Variants in NRXN1 observed in about 807,000 individuals in gnomAD.
NRXN1 encodes neurexin-1.
A neutral mutation model predicts 150.9 loss-of-function variants in NRXN1; 39 were observed. The observed-to-expected ratio is 0.26, with a 90% CI of 0.20 to 0.34. The LOEUF is 0.34. NRXN1 is among the 10% of genes least tolerant of loss of function. NRXN1 has a pLI of 1.00. For synonymous variants in NRXN1, 924 were observed against 757.0 expected (o/e 1.22, Z -3.62); for missense variants, 1,815 against 1,949.9 (o/e 0.93, Z 1.30).
chr2:50,114,551 G>A (rs541147691), intron 18 of NRXN1, among the ~76,000 whole-genome samples: 2 of 152,258 alleles, frequency 1.3e-5, no homozygotes, highest in East Asian at 1.9e-4. Context: ...ACAATAATCT[G>A]TACATGGATG....
At chr2:50,739,822 C>T (rs1699215195) in intron 5 of NRXN1, among the ~76,000 whole-genome samples, 2 of 152,034 alleles carry the variant, frequency 1.3e-5, no homozygotes, top group Non-Finnish European at 2.9e-5. Flanking sequence ...AAACTTAGTA[C>T]ATCAAAAGGA....
rs963794102 is a variant in NRXN1, at chr2:50,347,786, A to G, written c.3365-110816T>C. The G allele has an allele frequency of 1.0e-5, 10 of 986,738 alleles. No individual in the cohort carries two copies. The Admixed American group carries it at 6.1e-4, about 60-fold the overall frequency. 61.1% of individuals were successfully genotyped at this position (986,738 alleles called of 1,614,324 possible). On this transcript the variant is annotated intron_variant, in intron 17 of 22. Coordinates refer to ENST00000401669, the MANE Select transcript of NRXN1 (RefSeq NM_001330078.2). This position sits in a 1 kb window ranked among gnomAD's most constrained non-coding sequence, Gnocchi z 4.9. ...GAAAAACCACACACGCTGGTGAAGC[A>G]AGGGGCTCTATGCAAATCTGCAGTC...
At chr2:50,902,021 T>C (rs1453227672) in intron 5 of NRXN1, among the ~76,000 whole-genome samples, 1 of 152,168 alleles carries the variant, frequency 6.6e-6, no homozygotes, top group Non-Finnish European at 1.5e-5. Flanking sequence ...GGGAAAGTCA[T>C]GAAGTTCTCC....
At chr2:49,933,667 G>A (rs200570996) in intron 22 of NRXN1, among the ~76,000 whole-genome samples, 1 of 146,288 alleles carries the variant, frequency 6.8e-6, no homozygotes, top group East Asian at 2.0e-4. Flanking sequence ...TATCCCAGGG[G>A]TTACTGTGGG....
chr2:50,433,814 G>C (rs1341060220), intron 17 of NRXN1, among the ~76,000 whole-genome samples: 1 of 152,012 alleles, frequency 6.6e-6, no homozygotes, highest in Non-Finnish European at 1.5e-5. Context: ...ATGATAAATA[G>C]GTTGCAGAGG....
intron 21 of NRXN1, among the ~76,000 whole-genome samples, chr2:49,974,729 G>A (rs946592542): frequency 2.7e-5 from 4 of 148,954 alleles, no homozygotes; most frequent in Non-Finnish European, 5.9e-5. Flanking sequence ...AGACAATTAT[G>A]CAACATTAAG....
At chr2:50,406,305 A>G (rs1049067378) in intron 17 of NRXN1, among the ~76,000 whole-genome samples, 5 of 152,044 alleles carry the variant, frequency 3.3e-5, no homozygotes, top group East Asian at 3.9e-4. Flanking sequence ...AATAAAGGGG[A>G]AAAAAAAGAA....
chr2:50,598,373 A>G (rs1282304338), intron 8 of NRXN1, among the ~76,000 whole-genome samples: 1 of 151,964 alleles, frequency 6.6e-6, no homozygotes, highest in Non-Finnish European at 1.5e-5. Flanking sequence ...AAAGTTACTT[A>G]GCTTCCTTGA....
chr2:50,077,330 T>C (rs1343010146), intron 19 of NRXN1, among the ~76,000 whole-genome samples: 1 of 152,176 alleles, frequency 6.6e-6, no homozygotes, highest in Non-Finnish European at 1.5e-5. Flanking sequence ...TGAATTTCCT[T>C]TATTGAATCA....
chr2:50,367,041 T>C (rs1028683294), intron 17 of NRXN1, among the ~76,000 whole-genome samples: 2 of 151,962 alleles, frequency 1.3e-5, no homozygotes, highest in African/African-American at 4.8e-5. Context: ...TCCAGGCGTC[T>C]GGGAGAGACA....
intron 5 of NRXN1, among the ~76,000 whole-genome samples, chr2:50,902,995 G>T (rs1640020808): frequency 6.6e-6 from 1 of 152,030 alleles, no homozygotes; most frequent in Non-Finnish European, 1.5e-5. Context: ...CCAAAAACAA[G>T]TATTTATGAA....
At chr2:49,976,067 G>A (rs1253887873) in intron 21 of NRXN1, among the ~76,000 whole-genome samples, 4 of 141,674 alleles carry the variant, frequency 2.8e-5, no homozygotes, top group Admixed American at 2.2e-4. Flanking sequence ...CTGTCACCCA[G>A]GCTGGAGTGC....
At chr2:50,979,276 C>A (rs768391324) in intron 2 of NRXN1, 31 of 518,192 alleles carry the variant, frequency 6.0e-5, no homozygotes, top group South Asian at 4.1e-4. Context: ...TTTACATCAG[C>A]TGGAAGGAAG....
chr2:50,325,297 G>A (rs2076313779), intron 17 of NRXN1, among the ~76,000 whole-genome samples: 3 of 152,188 alleles, frequency 2.0e-5, no homozygotes, highest in South Asian at 4.1e-4. Flanking sequence ...GAAAAGATGA[G>A]TGCTGATATA....
intron 17 of NRXN1, among the ~76,000 whole-genome samples, chr2:50,329,643 A>G (rs1393352745): frequency 1.5e-4 from 1 of 6,568 alleles, no homozygotes; most frequent in Non-Finnish European, 2.3e-4. Context: ...ATATATATAT[A>G]TATATATATA....
At position 50,072,277 on chromosome 2, in the gene NRXN1, A is replaced by C. The variant is rs73932912; in HGVS notation, c.3719-17233T>G. Among the ~76,000 whole-genome samples the C allele has an allele frequency of 1.7e-3, 252 of 152,180 alleles. 3 individuals are homozygous for C. Among genetic ancestry groups the C allele is most frequent in the African/African-American group, 5.5e-3 (230 of 41,538 alleles). ...ACTGTCAGTGTTAGCTTTCCAAGTT[A>C]TGGAAAAAGTCTCAGTGCAAAACAA... is the stretch of plus-strand genomic sequence containing the variant. On this transcript the variant is annotated intron_variant, in intron 19 of 22. Coordinates refer to ENST00000401669, the MANE Select transcript of NRXN1 (RefSeq NM_001330078.2).
intron 5 of NRXN1, among the ~76,000 whole-genome samples, chr2:50,688,763 G>T (rs1224567184): frequency 1.3e-5 from 2 of 152,152 alleles, no homozygotes; most frequent in Admixed American, 1.3e-4. Context: ...ACACTCTAAA[G>T]AGTAAAATTA....
At chr2:50,693,082 C>T (rs1692299026) in intron 5 of NRXN1, among the ~76,000 whole-genome samples, 1 of 152,052 alleles carries the variant, frequency 6.6e-6, no homozygotes, top group South Asian at 2.1e-4. Flanking sequence ...TACCCCAGTC[C>T]CCTAAACCCA....
intron 8 of NRXN1, among the ~76,000 whole-genome samples, chr2:50,606,251 A>G (rs921775153): frequency 2.0e-5 from 1 of 50,980 alleles, no homozygotes; most frequent in African/African-American, 9.5e-5. Flanking sequence ...TCTGTTTCAG[A>G]AAAAAAAAAA....
Sources: allele counts gnomAD v4.1 joint callset (sites outside exome capture counted in the v4.1 genomes callset), GRCh38; gene constraint gnomAD v4.1.1; non-coding constraint Gnocchi (gnomAD v3.1); transcripts MANE v1.5; gene names NCBI Gene and HGNC (gene_info 2026-07-23, HGNC 2026-07-21).